The following CLCN1 variants were observed in gnomAD, a reference collection of about 807,000 sequenced individuals.
The protein encoded by CLCN1 is chloride channel protein 1.
In CLCN1, 100 loss-of-function variants were observed where a neutral mutation model predicts 114.5. The observed-to-expected ratio is 0.87, with a 90% CI of 0.74 to 1.03. The LOEUF is 1.03. Ranked by LOEUF, CLCN1 falls within the 50% of genes least tolerant of loss-of-function variation. The pLI is 0.00. For missense variants in CLCN1, 1,188 were observed against 1,250.0 expected, an observed-to-expected ratio of 0.95 and a Z score of 0.75; for synonymous variants, 485 against 487.1, an observed-to-expected ratio of 1.00 and a Z score of 0.06.
rs772482267 is a variant in CLCN1, at chr7:143,351,902, C to T, written c.2904C>T (p.Asp968=). Residue 968 remains aspartate, a synonymous_variant, in exon 23 of 23, where the codon GAC becomes GAT. Coordinates refer to ENST00000343257, the MANE Select transcript of CLCN1 (RefSeq NM_000083.3). The part of the protein sequence containing the change: ...ESPGLEEELA[D]ILQGPSLRST... ...CAGGGCTGGAAGAGGAGCTGGCCGA[C>T]ATCTTGCAGGGCCCCAGCCTGCGAT... 6.2e-7 allele frequency: 1 copy of T among 1,613,984 alleles called. No individual in the cohort carries two copies. The highest frequency in any genetic ancestry group is 8.5e-7 in the Non-Finnish European group (1 of 1,180,020).
intron 12 of CLCN1, among the ~76,000 whole-genome samples, chr7:143,335,795 G>C (rs959405378): frequency 1.3e-5 from 2 of 151,864 alleles, no homozygotes; most frequent in African/African-American, 4.8e-5. Context: ...CTGTAGCTGG[G>C]ACTACAGGTG....
At chr7:143,322,568 G>T (rs1453343485) in intron 5 of CLCN1, among the ~76,000 whole-genome samples, 3 of 152,222 alleles carry the variant, frequency 2.0e-5, no homozygotes, top group Non-Finnish European at 4.4e-5. Flanking sequence ...GCTTGCCCAA[G>T]CTGGAGTGCA....
intron 7 of CLCN1, among the ~76,000 whole-genome samples, chr7:143,330,245 G>C (rs1331176055): frequency 6.6e-6 from 1 of 151,912 alleles, no homozygotes. Flanking sequence ...TCCTATTTTT[G>C]TTCTGTCTTC....
intron 12 of CLCN1, among the ~76,000 whole-genome samples, chr7:143,336,305 G>A (rs1802887265): frequency 6.7e-6 from 1 of 149,100 alleles, no homozygotes; most frequent in South Asian, 2.1e-4. Flanking sequence ...TAAAATCGTG[G>A]TAGTTCTGTA....
chr7:143,333,800 C>T (rs891294925), intron 12 of CLCN1, among the ~76,000 whole-genome samples: 6 of 152,306 alleles, frequency 3.9e-5, no homozygotes, highest in Non-Finnish European at 7.3e-5. Context: ...AAGATGATCT[C>T]TTTCACATCA....
At position 143,345,751 on chromosome 7, in the gene CLCN1, G is replaced by A. The variant is rs1300665013; in HGVS notation, c.2161G>A (p.Gly721Ser). ...TGAGGATGAGGACGAAGACCTCTCT[G>A]GCAAGAGCGAGGTGACCGCGCCGGG... is the stretch of plus-strand genomic sequence containing the variant. ...VDEDEDEDLS[G>S]KSELPPSLAL... The change falls in exon 17 of 23, where the codon GGC (glycine) becomes AGC (serine). Residue 721 changes from glycine to serine, a missense_variant. Gly to Ser is a moderately conservative substitution (Grantham distance 56). Coordinates refer to ENST00000343257, the MANE Select transcript of CLCN1 (RefSeq NM_000083.3). The A allele has an allele frequency of 1.9e-6, 3 of 1,605,006 alleles. No homozygotes were observed. The highest frequency in any genetic ancestry group is 2.5e-6 in the Non-Finnish European group (3 of 1,176,518).
Position 143,339,589 on chromosome 7 carries a change from A to G in CLCN1, c.1550A>G (p.Tyr517Cys), listed in dbSNP as rs755182969. Residue 517 changes from tyrosine (Y) to cysteine (C), a missense_variant, in exon 14 of 23, where the codon TAC (tyrosine) becomes TGC (cysteine). Transcript: ENST00000343257. The surrounding 1 kb of genome is among the most constrained non-coding windows in gnomAD (Gnocchi z 4.1). ...GGTATTTTGTTTGATGACATCATCT[A>G]CAAGATCCTACCTGGGGGCTATGCA... ...PDGILFDDII[Y>C]KILPGGYAVI... is the part of the protein sequence containing the mutation. 6.2e-7 allele frequency: 1 copy of G among 1,612,838 alleles called. No homozygotes were observed. The highest frequency in any genetic ancestry group is 8.5e-7 in the Non-Finnish European group (1 of 1,178,770).
chr7:143,317,578 T>C (rs928933050), intron 1 of CLCN1, among the ~76,000 whole-genome samples: 5 of 150,874 alleles, frequency 3.3e-5, no homozygotes, highest in Admixed American at 3.3e-4. Flanking sequence ...TTTTTTTCTT[T>C]CTTTTTTTTT....
Position 143,321,642 on chromosome 7 carries a change from T to G in CLCN1, c.563-73T>G. On this transcript the variant is annotated intron_variant, in intron 4 of 22. Transcript: ENST00000343257. This position sits in a 1 kb window ranked among gnomAD's most constrained non-coding sequence, Gnocchi z 4.2. ...CTCTTCAGCCCTCTCCAATTCCCAT[T>G]CCCATATTCTGGACATTCATCTCCC... The G allele has an allele frequency of 6.2e-7, 1 of 1,609,730 alleles. No individual in the cohort carries two copies. Among genetic ancestry groups the G allele is most frequent in the Non-Finnish European group, 8.5e-7 (1 of 1,176,158 alleles).
At chr7:143,344,028 C>T (rs368438249) in intron 16 of CLCN1, among the ~76,000 whole-genome samples, 13 of 152,196 alleles carry the variant, frequency 8.5e-5, no homozygotes, top group East Asian at 1.9e-4. Flanking sequence ...TTAGTAGAGA[C>T]GGGGTTTCAC....
intron 12 of CLCN1, among the ~76,000 whole-genome samples, chr7:143,334,052 A>G (rs1454520883): frequency 6.6e-6 from 1 of 152,130 alleles, no homozygotes; most frequent in African/African-American, 2.4e-5. Context: ...TGTCTCTACT[A>G]AAAACACAAA....
chr7:143,322,873 T>C (rs2116840312), intron 5 of CLCN1, among the ~76,000 whole-genome samples: 1 of 152,386 alleles, frequency 6.6e-6, no homozygotes, highest in Admixed American at 6.5e-5. Context: ...GTTCCTCCTC[T>C]CTGCAGGCCT....
At chr7:143,318,219 TG>T (rs1212794471) in intron 1 of CLCN1, among the ~76,000 whole-genome samples, 2 of 152,066 alleles carry the variant, frequency 1.3e-5, no homozygotes, top group Non-Finnish European at 2.9e-5. Context: ...TTTTGTTTTT[TG>T]TTTTTTGTTT....
chr7:143,331,663 G>T lies in CLCN1; in HGVS notation c.1166+11G>T. Reference sequence around the variant, plus strand: ...GTTTCTTGCTAAGCAGTGAGTCACTGCCCTTCTTTTGCCCTACCCATTTAC... The same window carrying T: ...GTTTCTTGCTAAGCAGTGAGTCACTTCCCTTCTTTTGCCCTACCCATTTAC... On this transcript the variant is annotated intron_variant, in intron 10 of 22. Coordinates refer to ENST00000343257, the MANE Select transcript of CLCN1 (RefSeq NM_000083.3). The T allele has an allele frequency of 6.3e-7, 1 of 1,586,368 alleles. No individual in the cohort carries two copies. The highest frequency in any genetic ancestry group is 8.7e-7 in the Non-Finnish European group (1 of 1,154,850).
chr7:143,339,244 C>T lies in CLCN1; in HGVS notation c.1402-9C>T, dbSNP rs2272252. ...TGAAAGGGTATTCCAACGCTTCTTT[C>T]TACTCCAGTTCTGGATGTCCATCGT... On this transcript the variant is annotated splice_polypyrimidine_tract_variant and intron_variant, in intron 12 of 22. Transcript: ENST00000343257. This position sits in a 1 kb window ranked among gnomAD's most constrained non-coding sequence, Gnocchi z 4.1. 650,091 of 1,578,338 alleles carry T rather than the reference C, an allele frequency of 0.41. 136,568 individuals are homozygous for T. Among genetic ancestry groups the T allele is most frequent in the African/African-American group, 0.56 (41,490 of 74,030 alleles).
At chr7:143,338,121 G>A (rs1006393740) in intron 12 of CLCN1, among the ~76,000 whole-genome samples, 1 of 152,122 alleles carries the variant, frequency 6.6e-6, no homozygotes, top group Non-Finnish European at 1.5e-5. Flanking sequence ...TGGGATTACA[G>A]GCGTGAGCCT....
chr7:143,330,206 C>T (rs1472522273), intron 7 of CLCN1, among the ~76,000 whole-genome samples: 2 of 152,050 alleles, frequency 1.3e-5, no homozygotes, highest in African/African-American at 2.4e-5. Flanking sequence ...CTTGAACTAT[C>T]GAGGATGGTC....
rs1401396816 is a variant in CLCN1, at chr7:143,332,806, A to G, written c.1334A>G (p.Gln445Arg). ...KHAGDPESLG[Q>R]SAVWIHPRVN... ...GCGGGTGATCCTGAGAGCCTGGGCC[A>G]GTCAGCTGTGTGGATTCACCCCCGG... The change falls in exon 12 of 23, where the codon CAG becomes CGG. Residue 445 changes from glutamine to arginine, a missense_variant. Coordinates refer to ENST00000343257, the MANE Select transcript of CLCN1 (RefSeq NM_000083.3). The G allele has an allele frequency of 4.3e-6, 7 of 1,614,200 alleles. No homozygotes were observed. The highest frequency in any genetic ancestry group is 5.9e-6 in the Non-Finnish European group (7 of 1,180,024).
chr7:143,320,507 T>C (rs1311627682), intron 2 of CLCN1, among the ~76,000 whole-genome samples, 157 bp from the exon 3 acceptor site: 1 of 152,002 alleles, frequency 6.6e-6, no homozygotes, highest in Non-Finnish European at 1.5e-5. Context: ...TCCCCTCCCA[T>C]CTTGGGTATA....
Sources: gnomAD v4.1 joint callset for allele counts (sites outside exome capture counted in the v4.1 genomes callset) on GRCh38, gnomAD v4.1.1 for gene constraint, Gnocchi (gnomAD v3.1) non-coding constraint, MANE v1.5 for transcripts, NCBI Gene and HGNC (gene_info 2026-07-23, HGNC 2026-07-21) for gene names.